Variants in MLIP observed in about 807,000 individuals in gnomAD.
MLIP encodes the protein muscular LMNA-interacting protein.
MLIP carries 79 observed loss-of-function variants against 84.8 expected under a neutral mutation model. The observed-to-expected ratio is 0.93, with a 90% CI of 0.78 to 1.12. The LOEUF (loss-of-function observed/expected upper bound fraction) is 1.12. Among genes scored for constraint, MLIP ranks in the 50% most tolerant of loss-of-function variants. MLIP has a pLI of 0.00. For synonymous variants in MLIP, 504 were observed against 463.0 expected (o/e 1.09, Z -1.14); for missense variants, 1,257 against 1,160.6 (o/e 1.08, Z -1.21).
At chr6:54,171,022 ATC>A (rs1029442926) in intron 9 of MLIP, among the ~76,000 whole-genome samples, 13 of 151,496 alleles carry the variant, frequency 8.6e-5, no homozygotes, top group Admixed American at 8.6e-4. Flanking sequence ...TTCTTCTTTT[ATC>A]TACTCTTGCC....
intron 4 of MLIP, among the ~76,000 whole-genome samples, chr6:54,148,204 C>T (rs1230391568): frequency 1.3e-5 from 2 of 152,108 alleles, no homozygotes; most frequent in African/African-American, 4.8e-5. Context: ...CTGCCTGAGA[C>T]AAGGGCATCT....
At chr6:54,124,058 A>C (rs634915) in intron 2 of MLIP, among the ~76,000 whole-genome samples, 149,693 of 152,260 alleles carry the variant, frequency 0.98, 73,644 homozygotes, top group East Asian at 1. Flanking sequence ...TATTTTAGAA[A>C]CTTTCAATGG....
intron 3 of MLIP, among the ~76,000 whole-genome samples, chr6:54,126,915 C>G (rs986236268): frequency 6.6e-6 from 1 of 152,114 alleles, no homozygotes; most frequent in Non-Finnish European, 1.5e-5. Context: ...GTCTTCACTT[C>G]TTAGTCTGGC....
chr6:54,254,735 TCTC>T (rs755509688), intron 12 of MLIP, among the ~76,000 whole-genome samples: 3,410 of 129,726 alleles, frequency 0.026, 145 homozygotes, highest in East Asian at 0.21. Flanking sequence ...TCTTTTTTTT[TCTC>T]CCTCCCTTCC....
chr6:54,164,195 C>T (rs1774948292), intron 8 of MLIP, among the ~76,000 whole-genome samples: 1 of 151,766 alleles, frequency 6.6e-6, no homozygotes, highest in African/African-American at 2.4e-5. Context: ...TCAATCTTTT[C>T]TTCCCCTTAC....
At chr6:54,215,109 C>T (rs1779759838) in intron 11 of MLIP, 1 of 1,483,682 alleles carries the variant, frequency 6.7e-7, no homozygotes. Flanking sequence ...CTGTGTACTT[C>T]CTCACTAAAA....
chr6:54,151,568 C>T (rs1243057000), intron 5 of MLIP, among the ~76,000 whole-genome samples: 2 of 152,074 alleles, frequency 1.3e-5, no homozygotes, highest in African/African-American at 2.4e-5. Context: ...CCTTTGATAT[C>T]ACACAGAACA....
At chr6:54,246,651 T>G (rs1342404377) in intron 12 of MLIP, among the ~76,000 whole-genome samples, 4 of 152,276 alleles carry the variant, frequency 2.6e-5, no homozygotes, top group East Asian at 1.9e-4. Flanking sequence ...TTTTCATAAC[T>G]TATCTGTTAT....
At chr6:54,132,768 C>A (rs1047490397) in intron 3 of MLIP, among the ~76,000 whole-genome samples, 2 of 152,148 alleles carry the variant, frequency 1.3e-5, no homozygotes, top group African/African-American at 4.8e-5. Context: ...AGTGACTCAG[C>A]CAGCCCATAT....
At chr6:54,232,458 T>C (rs1013472117) in intron 12 of MLIP, among the ~76,000 whole-genome samples, 2 of 152,170 alleles carry the variant, frequency 1.3e-5, no homozygotes, top group Non-Finnish European at 2.9e-5. Flanking sequence ...TAATAGATTT[T>C]GTCTTTCTGA....
intron 1 of MLIP, among the ~76,000 whole-genome samples, chr6:54,061,850 G>T (rs1480121452): frequency 6.6e-6 from 1 of 152,176 alleles, no homozygotes; most frequent in Non-Finnish European, 1.5e-5. Flanking sequence ...GATAAAGCAA[G>T]GGTTAGTTTA....
chr6:54,252,849 A>G (rs148732310), intron 12 of MLIP, among the ~76,000 whole-genome samples: 2 of 152,158 alleles, frequency 1.3e-5, no homozygotes, highest in Non-Finnish European at 2.9e-5. Context: ...AAATATGAGG[A>G]TCAAATAGAA....
In MLIP at chr6:54,235,925, C is replaced by T. The variant is rs1781328744; in HGVS notation, c.2922+5008C>T. Among the ~76,000 whole-genome samples, 3 of 152,112 alleles carry T rather than the reference C, an allele frequency of 2.0e-5. No individual in the cohort carries two copies. The South Asian group carries it at 6.2e-4, about 32-fold the overall frequency. On this transcript the variant is annotated intron_variant, in intron 12 of 13. Transcript: ENST00000502396. Reference sequence around the variant, plus strand: ...ACATGGTTACATCCTTTTTTCTTCACTAGCATGGCATGTCCTTATCAACTG... The same window carrying T: ...ACATGGTTACATCCTTTTTTCTTCATTAGCATGGCATGTCCTTATCAACTG...
At chr6:54,265,877 A>G in intron 13 of MLIP, 73 bp from the exon 14 acceptor site, 1 of 1,383,748 alleles carries the variant, frequency 7.2e-7, no homozygotes, top group African/African-American at 1.4e-5. Context: ...CCAAATATTA[A>G]TGTATAATTT....
chr6:54,078,313 A>G (rs1323232786), intron 1 of MLIP, among the ~76,000 whole-genome samples: 1 of 152,188 alleles, frequency 6.6e-6, no homozygotes. Flanking sequence ...GTCAGCAGCT[A>G]GGCATGGTGG....
chr6:54,223,063 TA>T, intron 11 of MLIP, among the ~76,000 whole-genome samples: 1 of 152,134 alleles, frequency 6.6e-6, no homozygotes, highest in East Asian at 1.9e-4. Flanking sequence ...GCCCATTTTT[TA>T]ATTGAGTTAT....
chr6:54,117,201 C>T (rs1299984970), intron 1 of MLIP, among the ~76,000 whole-genome samples: 3 of 137,508 alleles, frequency 2.2e-5, no homozygotes, highest in African/African-American at 8.3e-5. Context: ...GGATGCCACT[C>T]TATTTCTGTC....
At chr6:54,130,652 A>C (rs1163260144) in intron 3 of MLIP, among the ~76,000 whole-genome samples, 5 of 152,160 alleles carry the variant, frequency 3.3e-5, no homozygotes, top group Non-Finnish European at 7.4e-5. Context: ...GTGTATGTGC[A>C]TGCTCAGAAA....
chr6:54,141,570 GT>G (rs1772312280), intron 4 of MLIP, among the ~76,000 whole-genome samples: 1 of 152,126 alleles, frequency 6.6e-6, no homozygotes, highest in Non-Finnish European at 1.5e-5. Context: ...GCATCCCAAA[GT>G]GCTGGGATTA....
Sources: gnomAD v4.1 joint callset for allele counts (sites outside exome capture counted in the v4.1 genomes callset) on GRCh38, gnomAD v4.1.1 for gene constraint, MANE v1.5 for transcripts, NCBI Gene and HGNC (gene_info 2026-07-23, HGNC 2026-07-21) for gene names.